STYXL1: variants seen among roughly 807,000 people sequenced by gnomAD.
STYXL1 encodes serine/threonine/tyrosine-interacting-like protein 1.
Under a neutral mutation model 36.4 loss-of-function variants are expected in STYXL1, and 32 were observed. That is an observed-to-expected ratio of 0.88 (90% confidence interval 0.66 to 1.18). The LOEUF is 1.18. Among genes scored for constraint, STYXL1 ranks in the 50% most tolerant of loss-of-function variants. The pLI, the probability that STYXL1 is intolerant of heterozygous loss-of-function variation, is 0.00. For missense variants in STYXL1, 354 were observed against 394.1 expected, an observed-to-expected ratio of 0.90 and a Z score of 0.86; for synonymous variants, 133 against 144.1, an observed-to-expected ratio of 0.92 and a Z score of 0.55.
At position 76,011,377 on chromosome 7, in the gene STYXL1, A is replaced by G. The variant is rs534723482; in HGVS notation, c.453+2365T>C. ...ATATTTTGTTCTGTATTTCTAAAAG[A>G]TAAGGACTTGTACTTTATAATAACC... On this transcript the variant is annotated intron_variant, in intron 5 of 8. Transcript: ENST00000359697. 3.9e-4 allele frequency among the ~76,000 whole-genome samples: 60 copies of G among 152,346 alleles called. 1 individual carries two copies. In the South Asian group the frequency reaches 0.012, roughly 29 times the overall value.
rs1795208774 is a variant in STYXL1, at chr7:76,030,546, AC to A, written c.-4-20del. The stretch of plus-strand genomic sequence containing the variant: ...CATCCTGCTGGGAAGAATCAATAAC[AC>A]ACAAGGGTAACATAACTCTATTTTA... On this transcript the variant is annotated intron_variant, in intron 1 of 8. Coordinates refer to ENST00000359697, the MANE Select transcript of STYXL1 (RefSeq NM_001317785.2). The A allele has an allele frequency of 1.4e-6, 2 of 1,452,616 alleles. No homozygotes were observed. The highest frequency in any genetic ancestry group is 1.9e-6 in the Non-Finnish European group (2 of 1,031,660). The allele number at this position is 1,452,616 out of a possible 1,614,324, so 90.0% of individuals were successfully genotyped here.
At chr7:76,012,871 C>T (rs560103100) in intron 5 of STYXL1, among the ~76,000 whole-genome samples, 1 of 152,288 alleles carries the variant, frequency 6.6e-6, no homozygotes, top group South Asian at 2.1e-4. Context: ...TCCTCTGGAT[C>T]CAGCTAGGAT....
Position 76,021,797 on chromosome 7 carries a change from A to G in STYXL1, c.307+54T>C, listed in dbSNP as rs140385731. On this transcript the variant is annotated intron_variant, in intron 4 of 8. Coordinates refer to ENST00000359697, the MANE Select transcript of STYXL1 (RefSeq NM_001317785.2). ...ATATGAACCTGTTGGTCCTATAACA[A>G]ATTTGTTCAATAGCCGTTAACTATT... 4.1e-3 allele frequency: 5,687 copies of G among 1,374,508 alleles called. 21 individuals are homozygous for G. Among genetic ancestry groups the G allele is most frequent in the Non-Finnish European group, 5.4e-3 (5,168 of 965,634 alleles). The allele number at this position is 1,374,508 out of a possible 1,614,324, so 85.1% of individuals were successfully genotyped here. A position where few individuals can be genotyped will look rare whatever the true frequency, so the allele number is the denominator to read the frequency against.
At chr7:76,017,451 C>T (rs782521724) in intron 4 of STYXL1, among the ~76,000 whole-genome samples, 5 of 152,086 alleles carry the variant, frequency 3.3e-5, no homozygotes, top group Non-Finnish European at 7.4e-5. Context: ...AACGAACTAA[C>T]ACAGATATAG....
intron 5 of STYXL1, among the ~76,000 whole-genome samples, chr7:76,007,415 ACT>A (rs1337400132): frequency 6.6e-6 from 1 of 151,956 alleles, no homozygotes; most frequent in East Asian, 1.9e-4. Flanking sequence ...ACAGAGTGAG[ACT>A]CTGTCTCAAA....
At chr7:76,036,775 T>C (rs1795944346) in intron 1 of STYXL1, among the ~76,000 whole-genome samples, 1 of 145,150 alleles carries the variant, frequency 6.9e-6, no homozygotes, top group South Asian at 2.2e-4. Flanking sequence ...TTCAACACAG[T>C]ATAGCTCTTT....
At chr7:75,998,156 G>A (rs981399102) in intron 8 of STYXL1, among the ~76,000 whole-genome samples, 1 of 152,098 alleles carries the variant, frequency 6.6e-6, no homozygotes, top group Non-Finnish European at 1.5e-5. Flanking sequence ...CAAAGTTGTA[G>A]GTCTCACACT....
intron 1 of STYXL1, among the ~76,000 whole-genome samples, chr7:76,043,820 T>C (rs782801734): frequency 7.9e-5 from 12 of 152,180 alleles, no homozygotes; most frequent in Non-Finnish European, 1.6e-4. Flanking sequence ...TCCTCAAATG[T>C]GGGAGCCCAA....
chr7:76,018,573 T>G (rs1554574764), intron 4 of STYXL1, among the ~76,000 whole-genome samples: 1 of 152,188 alleles, frequency 6.6e-6, no homozygotes, highest in African/African-American at 2.4e-5. Context: ...GTATTTTTAA[T>G]AGAGATGGGG....
intron 3 of STYXL1, among the ~76,000 whole-genome samples, chr7:76,026,878 C>A (rs1794776085): frequency 6.6e-6 from 1 of 152,104 alleles, no homozygotes; most frequent in South Asian, 2.1e-4. Context: ...GAAACCCTGT[C>A]TCTACTAAAG....
At chr7:76,023,316 C>T (rs568698368) in intron 3 of STYXL1, among the ~76,000 whole-genome samples, 3 of 152,200 alleles carry the variant, frequency 2.0e-5, no homozygotes, top group Admixed American at 1.3e-4. Flanking sequence ...TTCTGATTGG[C>T]TCAGCTTTCA....
In STYXL1 at chr7:76,047,996, G is replaced by A. The variant is rs1158660408; in HGVS notation, c.-339C>T. 6.7e-7 allele frequency: 1 copy of A among 1,496,516 alleles called. No individual in the cohort carries two copies. Among genetic ancestry groups the A allele is most frequent in the African/African-American group, 1.4e-5 (1 of 71,930 alleles). The allele number at this position is 1,496,516 out of a possible 1,614,324, so 92.7% of individuals were successfully genotyped here. A position where few individuals can be genotyped will look rare whatever the true frequency, so the allele number is the denominator to read the frequency against. On this transcript the variant is annotated 5_prime_UTR_variant, in exon 1 of 9. Transcript: ENST00000359697. ...CCACAGCTTTCCTTTCCGACTCCCG[G>A]AAGTGGCCGTGATCTCACGAGATCC...
intron 1 of STYXL1, chr7:76,045,003 C>G (rs117818877): frequency 6.6e-6 from 1 of 152,192 alleles, no homozygotes; most frequent in Non-Finnish European, 1.5e-5. Flanking sequence ...ACTGAAAGGT[C>G]TATATGGACA....
intron 5 of STYXL1, among the ~76,000 whole-genome samples, 188 bp from the exon 6 acceptor site, chr7:76,005,592 T>A (rs1249069282): frequency 6.6e-6 from 1 of 152,096 alleles, no homozygotes; most frequent in Admixed American, 6.6e-5. Context: ...GGGCGAGTCA[T>A]GACGAAAGGA....
intron 1 of STYXL1, among the ~76,000 whole-genome samples, chr7:76,039,903 T>G (rs532011739): frequency 6.6e-6 from 1 of 152,156 alleles, no homozygotes; most frequent in Non-Finnish European, 1.5e-5. Flanking sequence ...TGCCTCAACT[T>G]CCCAAAGTGC....
intron 3 of STYXL1, among the ~76,000 whole-genome samples, chr7:76,025,590 G>A (rs1585280522): frequency 6.6e-6 from 1 of 152,056 alleles, no homozygotes; most frequent in African/African-American, 2.4e-5. Flanking sequence ...AGGAGTTCAA[G>A]ACCAGCCTGG....
At chr7:76,046,329 TGTGTGTGTGTGCGCGCGCGC>T (rs1444172654) in intron 1 of STYXL1, among the ~76,000 whole-genome samples, 1,676 of 12,406 alleles carry the variant, frequency 0.14, 65 homozygotes, top group East Asian at 0.2. Flanking sequence ...TGTGTGTGTG[TGTGTGTGTGTGCGCGCGCGC>T]GCGCGCGCGC....
At chr7:76,025,257 G>A (rs1485333595) in intron 3 of STYXL1, among the ~76,000 whole-genome samples, 2 of 139,476 alleles carry the variant, frequency 1.4e-5, no homozygotes, top group African/African-American at 2.7e-5. Flanking sequence ...CCAAGAGTGC[G>A]CCACTGCACT....
intron 1 of STYXL1, chr7:76,044,208 G>C (rs111852817): frequency 6.6e-6 from 1 of 152,104 alleles, no homozygotes; most frequent in Non-Finnish European, 1.5e-5. Context: ...ACCCAGACTG[G>C]GGTGCAGTGG....
Sources: allele counts gnomAD v4.1 joint callset (sites outside exome capture counted in the v4.1 genomes callset), GRCh38; gene constraint gnomAD v4.1.1; transcripts MANE v1.5; gene names NCBI Gene and HGNC (gene_info 2026-07-23, HGNC 2026-07-21).